RLIM: variants seen among roughly 807,000 people sequenced by gnomAD.
RLIM encodes ring finger protein, LIM domain interacting.
In RLIM, 2 loss-of-function variants were observed where a neutral mutation model predicts 34.0. That is an observed-to-expected ratio of 0.06 (90% CI 0.02 to 0.19). The LOEUF is 0.19. Among genes scored for constraint, RLIM ranks in the 10% least tolerant of loss-of-function variants. RLIM has a pLI of 1.00. For synonymous variants in RLIM, 169 were observed against 164.0 expected (o/e 1.03, Z -0.23); for missense variants, 286 against 479.7 (o/e 0.60, Z 3.77).
Position 74,591,200 on chromosome X carries a change from T to C in RLIM, c.*240A>G, listed in dbSNP as rs2079611341. On this transcript the variant is annotated 3_prime_UTR_variant, in exon 4 of 4. Coordinates refer to ENST00000332687, the MANE Select transcript of RLIM (RefSeq NM_016120.4). Reference sequence around the variant, plus strand: ...TATGATAAATTATCAGTAACAGTGATGCTACCAATTTAACTGGTACGGAAA... The same window carrying C: ...TATGATAAATTATCAGTAACAGTGACGCTACCAATTTAACTGGTACGGAAA... The C allele has an allele frequency of 2.7e-6, 1 of 370,871 alleles. No individual in the cohort carries two copies. Among genetic ancestry groups the C allele is most frequent in the Non-Finnish European group, 4.7e-6 (1 of 213,650 alleles). The allele number at this position is 370,871 out of a possible 1,213,427, so 30.6% of individuals were successfully genotyped here.
intron 1 of RLIM, among the ~76,000 whole-genome samples, chrX:74,608,382 T>C (rs1281028640): frequency 9.4e-6 from 1 of 106,846 alleles, no homozygotes; most frequent in Non-Finnish European, 1.9e-5. Context: ...TACTTCTATC[T>C]CCACTCACGC....
In RLIM at chrX:74,592,327, G is replaced by A; in HGVS notation, c.988C>T (p.Pro330Ser). The A allele has an allele frequency of 8.3e-7, 1 of 1,211,635 alleles. No individual in the cohort carries two copies. The highest frequency in any genetic ancestry group is 1.1e-6 in the Non-Finnish European group (1 of 895,526). Residue 330 changes from proline to serine, a missense_variant, in exon 4 of 4, where the codon CCT becomes TCT. Pro to Ser is a moderately conservative substitution (Grantham distance 74). This residue lies in a region of RLIM where 121 missense variants were observed against 182.4 expected (regional missense o/e 0.66). Coordinates refer to ENST00000332687, the MANE Select transcript of RLIM (RefSeq NM_016120.4). ...CTATCTCTCTGCCGATATTCTCCAG[G>A]ACGAACTCTTCTTACTTGAAGATCA... ...VLDLQVRRVR[P>S]GEYRQRDSIA... is the part of the protein sequence containing the mutation.
Position 74,591,017 on chromosome X carries a change from C to T in RLIM, c.*423G>A, listed in dbSNP as rs796963298. On this transcript the variant is annotated 3_prime_UTR_variant, in exon 4 of 4. Coordinates refer to ENST00000332687, the MANE Select transcript of RLIM (RefSeq NM_016120.4). ...TAACTAATAACTGGGAATGATATAG[C>T]TTTAATCACTTATGAAACACATACT... The T allele has an allele frequency of 7.5e-6, 1 of 133,286 alleles. No homozygotes were observed. Among genetic ancestry groups the T allele is most frequent in the South Asian group, 2.3e-4 (1 of 4,353 alleles). 11.0% of individuals were successfully genotyped at this position (133,286 alleles called of 1,213,427 possible).
intron 1 of RLIM, among the ~76,000 whole-genome samples, chrX:74,606,204 C>T (rs1052158614): frequency 8.9e-6 from 1 of 111,881 alleles, no homozygotes; most frequent in African/African-American, 3.2e-5. Flanking sequence ...ACAGTTGCTC[C>T]TTAGATAAAC....
intron 1 of RLIM, among the ~76,000 whole-genome samples, chrX:74,612,113 TA>T (rs1317720361): frequency 8.9e-6 from 1 of 112,027 alleles, no homozygotes; most frequent in African/African-American, 3.2e-5. Context: ...CAATATCAAT[TA>T]AAAGTATCAT....
Position 74,587,782 on chromosome X carries a change from G to A in RLIM, c.*3658C>T, listed in dbSNP as rs918800724. 18 of 111,954 alleles carry A rather than the reference G, an allele frequency of 1.6e-4. No homozygotes were observed. The highest frequency in any genetic ancestry group is 5.2e-4 in the African/African-American group (16 of 30,837). 9.2% of individuals were successfully genotyped at this position (111,954 alleles called of 1,213,427 possible). A position where few individuals can be genotyped will look rare whatever the true frequency, so the allele number is the denominator to read the frequency against. On this transcript the variant is annotated 3_prime_UTR_variant, in exon 4 of 4. Coordinates refer to ENST00000332687, the MANE Select transcript of RLIM (RefSeq NM_016120.4). Reference sequence around the variant, plus strand: ...TGATAACCCTTCATAAATATAATTTGAGACACTGACACTAGGAGAGGATAC... The same window carrying A: ...TGATAACCCTTCATAAATATAATTTAAGACACTGACACTAGGAGAGGATAC...
At chrX:74,611,423 A>G (rs767605361) in intron 1 of RLIM, among the ~76,000 whole-genome samples, 8 of 112,312 alleles carry the variant, frequency 7.1e-5, no homozygotes, top group Non-Finnish European at 1.3e-4. Flanking sequence ...TTTCCAGATC[A>G]TTTAATTATT....
chrX:74,588,483 C>CAAAA lies in RLIM; in HGVS notation c.*2953_*2956dup, dbSNP rs1000955967. ...AAGACTCTGTCTCAAAAAAACAAAA[C>CAAAA]AAAACAAAACAAAACAAAAAAACCT... is the stretch of plus-strand genomic sequence containing the variant. On this transcript the variant is annotated 3_prime_UTR_variant, in exon 4 of 4. Transcript: ENST00000332687. 3.6e-5 allele frequency: 4 copies of CAAAA among 111,388 alleles called. No individual in the cohort carries two copies. The highest frequency in any genetic ancestry group is 9.8e-5 in the African/African-American group (3 of 30,626). 9.2% of individuals were successfully genotyped at this position (111,388 alleles called of 1,213,427 possible). A position where few individuals can be genotyped will look rare whatever the true frequency, so the allele number is the denominator to read the frequency against.
intron 1 of RLIM, among the ~76,000 whole-genome samples, chrX:74,604,016 G>A (rs1285129638): frequency 9.2e-6 from 1 of 109,200 alleles, no homozygotes; most frequent in Non-Finnish European, 1.9e-5. Context: ...TCAGGAGGTT[G>A]AGGCAGGAGA....
rs1253531102 is a variant in RLIM, at chrX:74,585,841, C to T, written c.*5599G>A. 8.9e-6 allele frequency: 1 copy of T among 112,059 alleles called. No homozygotes were observed. The highest frequency in any genetic ancestry group is 3.2e-5 in the African/African-American group (1 of 30,820). 9.2% of individuals were successfully genotyped at this position (112,059 alleles called of 1,213,427 possible). A position where few individuals can be genotyped will look rare whatever the true frequency, so the allele number is the denominator to read the frequency against. ...TAACTTCACTTTGTGCTCCTCTCTG[C>T]TTTTTTGAGTCTCTCCCGAAGGTCA... On this transcript the variant is annotated 3_prime_UTR_variant, in exon 4 of 4. Transcript: ENST00000332687.
chrX:74,609,466 C>T lies in RLIM; in HGVS notation c.-24+4956G>A, dbSNP rs1190126489. Among the ~76,000 whole-genome samples the T allele has an allele frequency of 3.9e-5, 3 of 77,448 alleles. 1 individual carries two copies. The highest frequency in any genetic ancestry group is 6.7e-5 in the Non-Finnish European group (3 of 44,608). The allele number at this position is 77,448 out of a possible 115,157, so 67.3% of individuals were successfully genotyped here. On this transcript the variant is annotated intron_variant, in intron 1 of 3. Transcript: ENST00000332687. Reference sequence around the variant, plus strand: ...TCGCGCCACTGCACTCCAGCCTGGGCGACAGAGCGAGACTCCGTTTCAAAA... The same window carrying T: ...TCGCGCCACTGCACTCCAGCCTGGGTGACAGAGCGAGACTCCGTTTCAAAA...
At chrX:74,603,798 T>G (rs1173520710) in intron 1 of RLIM, among the ~76,000 whole-genome samples, 1 of 111,565 alleles carries the variant, frequency 9.0e-6, no homozygotes, top group African/African-American at 3.3e-5. Context: ...TCTTATTGAC[T>G]CAACATAATC....
intron 1 of RLIM, among the ~76,000 whole-genome samples, chrX:74,600,937 T>A (rs1219743705): frequency 1.9e-5 from 2 of 105,119 alleles, no homozygotes; most frequent in Non-Finnish European, 3.9e-5. Context: ...GGCAGGAGAA[T>A]CACTTGAACC....
At position 74,604,384 on chromosome X, in the gene RLIM, G is replaced by A. The variant is rs1377198867; in HGVS notation, c.-23-8384C>T. On this transcript the variant is annotated intron_variant, in intron 1 of 3. Coordinates refer to ENST00000332687, the MANE Select transcript of RLIM (RefSeq NM_016120.4). Reference sequence around the variant, plus strand: ...CTAGTCTTATTTCAAGTGTCTAACAGTCACATAGTGGTTAATGGCTACCAT... The same window carrying A: ...CTAGTCTTATTTCAAGTGTCTAACAATCACATAGTGGTTAATGGCTACCAT... 6.3e-5 allele frequency among the ~76,000 whole-genome samples: 7 copies of A among 111,339 alleles called. No individual in the cohort carries two copies. In the Admixed American group the frequency reaches 6.7e-4, roughly 11 times the overall value.
In RLIM at chrX:74,588,077, A is replaced by C. The variant is rs1022547444; in HGVS notation, c.*3363T>G. ...CTAACATGTTCTTTTCAGAGCAAATATTCCAAATTAACAAGGTGGCTCATC... is the reference window on the plus strand; with the variant it reads ...CTAACATGTTCTTTTCAGAGCAAATCTTCCAAATTAACAAGGTGGCTCATC... On this transcript the variant is annotated 3_prime_UTR_variant, in exon 4 of 4. Transcript: ENST00000332687. 6.2e-5 allele frequency: 7 copies of C among 112,711 alleles called. No individual in the cohort carries two copies. Among genetic ancestry groups the C allele is most frequent in the Non-Finnish European group, 1.1e-4 (6 of 53,369 alleles). The allele number at this position is 112,711 out of a possible 1,213,427, so 9.3% of individuals were successfully genotyped here.
rs2079619453 is a variant in RLIM, at chrX:74,592,253, G to A, written c.1062C>T (p.Val354=). ...AACCTCCTCGTTCACTTTCATAGGT[G>A]ACAGTGTTGTTTGGTGTCTGAGACC... ...RSRSQTPNNT[V]TYESERGGFR... Residue 354 remains valine, a synonymous_variant, in exon 4 of 4, where the codon GTC becomes GTT. Transcript: ENST00000332687. 1 of 1,209,974 alleles carries A rather than the reference G, an allele frequency of 8.3e-7. No homozygotes were observed. The highest frequency in any genetic ancestry group is 2.2e-5 in the Admixed American group (1 of 45,687).
Position 74,589,517 on chromosome X carries a change from T to G in RLIM, c.*1923A>C. ...TTCCTTGCAAGAGCAGTACATATCC[T>G]TAGTAAACAACTACCATATTTACAA... On this transcript the variant is annotated 3_prime_UTR_variant, in exon 4 of 4. Transcript: ENST00000332687. 8.9e-6 allele frequency: 1 copy of G among 112,463 alleles called. No individual in the cohort carries two copies. The highest frequency in any genetic ancestry group is 3.7e-4 in the South Asian group (1 of 2,734). The allele number at this position is 112,463 out of a possible 1,213,427, so 9.3% of individuals were successfully genotyped here.
intron 1 of RLIM, among the ~76,000 whole-genome samples, chrX:74,602,424 A>G (rs2079665023): frequency 9.0e-6 from 1 of 111,321 alleles, no homozygotes; most frequent in Non-Finnish European, 1.9e-5. Flanking sequence ...CCCCACTGAA[A>G]CCTGCTGTTC....
At position 74,591,902 on chromosome X, in the gene RLIM, TGAACTGGAACTG is replaced by T. The variant is rs749149244; in HGVS notation, c.1401_1412del (p.Ser473_Ser476del). Reference sequence around the variant, plus strand: ...TGGAACTAGGACTGGAACTGGAACTTGAACTGGAACTGGAACTCGAACTGGAACTGGAACTCG... The same window carrying T: ...TGGAACTAGGACTGGAACTGGAACTTGAACTCGAACTGGAACTGGAACTCG... On this transcript the variant is annotated inframe_deletion, in exon 4 of 4. Transcript: ENST00000332687. 2 of 1,199,835 alleles carry T rather than the reference TGAACTGGAACTG, an allele frequency of 1.7e-6. No homozygotes were observed. Among genetic ancestry groups the T allele is most frequent in the African/African-American group, 1.8e-5 (1 of 55,931 alleles).
Sources: allele counts gnomAD v4.1 joint callset (sites outside exome capture counted in the v4.1 genomes callset), GRCh38; gene constraint gnomAD v4.1.1; regional missense constraint gnomAD v4.1.1; transcripts MANE v1.5; gene names NCBI Gene and HGNC (gene_info 2026-07-23, HGNC 2026-07-21).